Variants in TENM3 observed in about 807,000 individuals in gnomAD.
TENM3 encodes teneurin transmembrane protein 3.
A neutral mutation model predicts 255.1 loss-of-function variants in TENM3; 63 were observed. That is an observed-to-expected ratio of 0.25 (90% CI 0.20 to 0.30). The LOEUF (loss-of-function observed/expected upper bound fraction) is 0.30, where lower values mean the gene tolerates loss of function less well. Ranked by LOEUF, TENM3 falls within the 10% of genes least tolerant of loss-of-function variation. The pLI, the probability that TENM3 is intolerant of heterozygous loss-of-function variation, is 1.00. For missense variants in TENM3, 2,929 were observed against 3,461.1 expected, an observed-to-expected ratio of 0.85 and a Z score of 3.86; for synonymous variants, 1,306 against 1,322.3, an observed-to-expected ratio of 0.99 and a Z score of 0.27.
At chr4:181,705,336 A>G in the TENM3 span, among the ~76,000 whole-genome samples, 2 of 152,172 alleles carry the variant, frequency 1.3e-5, no homozygotes, top group African/African-American at 2.4e-5. Context: ...GGGAATACCA[A>G]TTTGGGGGAA....
chr4:181,820,161 G>A, the TENM3 span: 1 of 152,170 alleles, frequency 6.6e-6, no homozygotes, highest in East Asian at 1.9e-4. Flanking sequence ...ATCTAGGGAA[G>A]AAGGCTTGGA....
chr4:181,900,437 A>G, the TENM3 span, among the ~76,000 whole-genome samples: 1 of 152,222 alleles, frequency 6.6e-6, no homozygotes, highest in African/African-American at 2.4e-5. Context: ...CACATATCAT[A>G]TATAAATATG....
chr4:182,064,302 G>T, the TENM3 span, among the ~76,000 whole-genome samples: 1 of 152,142 alleles, frequency 6.6e-6, no homozygotes, highest in Non-Finnish European at 1.5e-5. Context: ...ATTTGGGCTG[G>T]GCGCGGTGGC....
chr4:181,859,918 T>C, the TENM3 span, among the ~76,000 whole-genome samples: 1 of 152,192 alleles, frequency 6.6e-6, no homozygotes, highest in African/African-American at 2.4e-5. Context: ...CCTCAGACTT[T>C]CTTTAATGTC....
intron 3 of TENM3, among the ~76,000 whole-genome samples, chr4:182,440,247 G>T (rs982882404): frequency 6.6e-6 from 1 of 151,840 alleles, no homozygotes; most frequent in Non-Finnish European, 1.5e-5. Context: ...AAGTAACTGG[G>T]ACTACAGGCA....
At chr4:181,506,479 A>C in the TENM3 span, among the ~76,000 whole-genome samples, 1 of 152,264 alleles carries the variant, frequency 6.6e-6, no homozygotes, top group Non-Finnish European at 1.5e-5. Context: ...GCTGGGAAAA[A>C]ATATCATCTA....
At chr4:182,358,518 T>C (rs199726748) in intron 3 of TENM3, among the ~76,000 whole-genome samples, 1 of 4,338 alleles carries the variant, frequency 2.3e-4, no homozygotes, top group Non-Finnish European at 0.019. Flanking sequence ...GGCTCTCTGT[T>C]TGTCTGTTAT....
intron 1 of TENM3, among the ~76,000 whole-genome samples, chr4:182,261,705 C>G (rs1379828389): frequency 6.6e-6 from 1 of 152,206 alleles, no homozygotes; most frequent in Admixed American, 6.5e-5. Flanking sequence ...CATTCCCTAC[C>G]AAGACCACTT....
the TENM3 span, among the ~76,000 whole-genome samples, chr4:181,925,000 T>C: frequency 6.5e-3 from 992 of 152,338 alleles, 13 homozygotes; most frequent in African/African-American, 0.023. Flanking sequence ...TGGTGTCAAA[T>C]ACAATAGTAT....
At chr4:181,752,820 A>G in the TENM3 span, among the ~76,000 whole-genome samples, 1 of 152,076 alleles carries the variant, frequency 6.6e-6, no homozygotes, top group Non-Finnish European at 1.5e-5. Flanking sequence ...ATGGCATATC[A>G]TGTGATCAAG....
At chr4:182,514,933 T>C (rs1326435024) in intron 3 of TENM3, among the ~76,000 whole-genome samples, 1 of 151,930 alleles carries the variant, frequency 6.6e-6, no homozygotes, top group Non-Finnish European at 1.5e-5. Flanking sequence ...CAAGAGAGAG[T>C]GAGAAACAAT....
the TENM3 span, among the ~76,000 whole-genome samples, chr4:182,051,378 CTTTT>C: frequency 7.7e-6 from 1 of 129,590 alleles, no homozygotes; most frequent in Non-Finnish European, 1.6e-5. Context: ...TTTTTCCTCT[CTTTT>C]TTTTTTTTTT....
At chr4:182,038,413 C>T in the TENM3 span, among the ~76,000 whole-genome samples, 1 of 152,176 alleles carries the variant, frequency 6.6e-6, no homozygotes, top group Non-Finnish European at 1.5e-5. Context: ...ATTTTATCCA[C>T]ATAACAAACC....
chr4:181,909,224 G>A, the TENM3 span, among the ~76,000 whole-genome samples: 3 of 152,196 alleles, frequency 2.0e-5, no homozygotes, highest in Admixed American at 2.0e-4. Context: ...TCAGATAGGA[G>A]TTTAAATTCC....
At chr4:182,283,325 C>T (rs1263351027) in intron 1 of TENM3, among the ~76,000 whole-genome samples, 1 of 151,954 alleles carries the variant, frequency 6.6e-6, no homozygotes, top group East Asian at 1.9e-4. Flanking sequence ...CTTTGTTTAC[C>T]CAGATCATAT....
At chr4:182,568,471 G>A (rs190679690) in intron 3 of TENM3, among the ~76,000 whole-genome samples, 38 of 152,344 alleles carry the variant, frequency 2.5e-4, no homozygotes, top group Admixed American at 5.2e-4. Context: ...AGTTTACCCC[G>A]TTAGAATGGC....
chr4:182,793,990 G>A lies in TENM3; in HGVS notation c.7213+105G>A. The A allele has an allele frequency of 9.8e-7, 1 of 1,017,954 alleles. No individual in the cohort carries two copies. Among genetic ancestry groups the A allele is most frequent in the East Asian group, 2.6e-5 (1 of 38,224 alleles). The allele number at this position is 1,017,954 out of a possible 1,614,324, so 63.1% of individuals were successfully genotyped here. On this transcript the variant is annotated intron_variant, in intron 26 of 27. Transcript: ENST00000511685. The surrounding 1 kb of genome is among the most constrained non-coding windows in gnomAD (Gnocchi z 5.7). ...TTAAAAAACTTTATACTTTACTCAG[G>A]CAAAGGCAAATGGCTAACCTTTTAA...
chr4:182,386,060 G>GT (rs1398837199), intron 3 of TENM3, among the ~76,000 whole-genome samples: 4 of 152,188 alleles, frequency 2.6e-5, no homozygotes, highest in African/African-American at 7.2e-5. Context: ...AAATCTCACT[G>GT]TTTGACTTAG....
chr4:181,974,729 C>T, the TENM3 span, among the ~76,000 whole-genome samples: 1 of 152,170 alleles, frequency 6.6e-6, no homozygotes, highest in East Asian at 1.9e-4. Context: ...CATTTACTAC[C>T]AGTGACAAAC....
Sources: gnomAD v4.1 joint callset for allele counts (sites outside exome capture counted in the v4.1 genomes callset) on GRCh38, gnomAD v4.1.1 for gene constraint, Gnocchi (gnomAD v3.1) non-coding constraint, MANE v1.5 for transcripts, NCBI Gene and HGNC (gene_info 2026-07-23, HGNC 2026-07-21) for gene names.